The following BCL2L1 variants were observed in gnomAD, a reference collection of about 807,000 sequenced individuals.
The protein encoded by BCL2L1 is bcl-2-like protein 1.
Under a neutral mutation model 18.7 loss-of-function variants are expected in BCL2L1, and 1 was observed. That is an observed-to-expected ratio of 0.05 (90% confidence interval 0.02 to 0.25). The LOEUF (loss-of-function observed/expected upper bound fraction) is 0.25, where lower values mean the gene tolerates loss of function less well. Among genes scored for constraint, BCL2L1 ranks in the 10% least tolerant of loss-of-function variants. BCL2L1 has a pLI of 1.00. For synonymous variants in BCL2L1, 103 were observed against 122.7 expected, an observed-to-expected ratio of 0.84 and a Z score of 1.06; for missense variants, 207 against 304.9, an observed-to-expected ratio of 0.68 and a Z score of 2.39.
intron 2 of BCL2L1, among the ~76,000 whole-genome samples, chr20:31,704,219 T>A (rs969761905): frequency 2.0e-5 from 3 of 151,124 alleles, no homozygotes; most frequent in African/African-American, 4.9e-5. Context: ...TTCTTCTGCC[T>A]CAGCCTCCTG....
chr20:31,715,837 A>G (rs1266772829), intron 2 of BCL2L1, among the ~76,000 whole-genome samples: 1 of 152,038 alleles, frequency 6.6e-6, no homozygotes, highest in Non-Finnish European at 1.5e-5. Flanking sequence ...GAGACTTTTT[A>G]TTTTTATTTT....
intron 2 of BCL2L1, among the ~76,000 whole-genome samples, chr20:31,680,115 T>C (rs1301549387): frequency 6.6e-6 from 1 of 152,220 alleles, no homozygotes; most frequent in African/African-American, 2.4e-5. Context: ...ATTCTCAAAA[T>C]CTTGCAAGTA....
chr20:31,669,964 G>A (rs573952208), intron 2 of BCL2L1, among the ~76,000 whole-genome samples: 10 of 152,334 alleles, frequency 6.6e-5, no homozygotes, highest in African/African-American at 2.4e-4. Flanking sequence ...TTAAAGCAGG[G>A]AACACTCAGC....
At chr20:31,715,265 C>T (rs1331018455) in intron 2 of BCL2L1, among the ~76,000 whole-genome samples, 4 of 144,900 alleles carry the variant, frequency 2.8e-5, no homozygotes, top group African/African-American at 7.9e-5. Flanking sequence ...GAGAAAGACT[C>T]TGTCTCAAAA....
chr20:31,696,701 C>T (rs1290327603), intron 2 of BCL2L1, among the ~76,000 whole-genome samples: 1 of 152,082 alleles, frequency 6.6e-6, no homozygotes, highest in Non-Finnish European at 1.5e-5. Flanking sequence ...CTGCTTGAGC[C>T]CAGGAGTTAG....
At chr20:31,692,534 G>C (rs191510584) in intron 2 of BCL2L1, among the ~76,000 whole-genome samples, 17 of 152,202 alleles carry the variant, frequency 1.1e-4, no homozygotes, top group African/African-American at 4.1e-4. Context: ...CCAGCACTTT[G>C]GGAGGCTGAG....
At chr20:31,682,418 A>G (rs576649995) in intron 2 of BCL2L1, among the ~76,000 whole-genome samples, 1 of 152,172 alleles carries the variant, frequency 6.6e-6, no homozygotes, top group African/African-American at 2.4e-5. Context: ...CACTGCTTTG[A>G]CCTTATATGT....
At chr20:31,709,671 A>C (rs894792833) in intron 2 of BCL2L1, among the ~76,000 whole-genome samples, 1 of 151,622 alleles carries the variant, frequency 6.6e-6, no homozygotes, top group African/African-American at 2.4e-5. Context: ...GTCTCTACTA[A>C]AAATACAAAA....
chr20:31,714,998 G>C (rs943910833), intron 2 of BCL2L1, among the ~76,000 whole-genome samples: 1 of 152,158 alleles, frequency 6.6e-6, no homozygotes, highest in Admixed American at 6.5e-5. Flanking sequence ...GACCAGGCCT[G>C]GCACGGTGGC....
In BCL2L1 at chr20:31,721,862, T is replaced by A; in HGVS notation, c.357A>T (p.Ala119=). The change falls in exon 2 of 3, where the codon GCA becomes GCT. Residue 119 remains alanine, a synonymous_variant. Transcript: ENST00000307677. Reference sequence around the variant, plus strand: ...TCACTACCTGTTCAAAGCTCTGATATGCTGTCCCTGGGGTGATGTGGAGCT... The same window carrying A: ...TCACTACCTGTTCAAAGCTCTGATAAGCTGTCCCTGGGGTGATGTGGAGCT... The part of the protein sequence containing the change: ...TSQLHITPGT[A]YQSFEQVVNE... 6.2e-7 allele frequency: 1 copy of A among 1,614,208 alleles called. No individual in the cohort carries two copies. The highest frequency in any genetic ancestry group is 8.5e-7 in the Non-Finnish European group (1 of 1,180,032).
At chr20:31,712,246 G>A (rs150909003) in intron 2 of BCL2L1, among the ~76,000 whole-genome samples, 1 of 152,278 alleles carries the variant, frequency 6.6e-6, no homozygotes, top group Non-Finnish European at 1.5e-5. Context: ...GGAACACAGT[G>A]GAGCGTTTAA....
chr20:31,680,085 A>C (rs887088040), intron 2 of BCL2L1, among the ~76,000 whole-genome samples: 3 of 152,172 alleles, frequency 2.0e-5, no homozygotes, highest in African/African-American at 7.2e-5. Context: ...GTATTTGCTG[A>C]ACTAATATTT....
At chr20:31,678,945 ACT>A (rs2060808848) in intron 2 of BCL2L1, among the ~76,000 whole-genome samples, 1 of 151,966 alleles carries the variant, frequency 6.6e-6, no homozygotes, top group South Asian at 2.1e-4. Context: ...GTAACCAAAA[ACT>A]CAGGGCTGAA....
intron 2 of BCL2L1, among the ~76,000 whole-genome samples, chr20:31,679,302 T>C (rs778514554): frequency 1.3e-5 from 2 of 152,182 alleles, no homozygotes; most frequent in Non-Finnish European, 2.9e-5. Context: ...TCCCACTTGA[T>C]GTGGCCTGTG....
intron 2 of BCL2L1, among the ~76,000 whole-genome samples, chr20:31,675,530 C>T (rs1375620484): frequency 6.6e-6 from 1 of 152,170 alleles, no homozygotes; most frequent in East Asian, 1.9e-4. Flanking sequence ...TGGTTGGAAT[C>T]CACTTCCTCT....
intron 2 of BCL2L1, among the ~76,000 whole-genome samples, chr20:31,718,487 C>G (rs1257924845): frequency 6.6e-6 from 1 of 152,046 alleles, no homozygotes; most frequent in Non-Finnish European, 1.5e-5. Context: ...GAAACCCCAT[C>G]TCTACTAAAA....
At position 31,722,090 on chromosome 20, in the gene BCL2L1, C is replaced by A. The variant is rs11550476; in HGVS notation, c.129G>T (p.Ser43=). The change falls in exon 2 of 3, where the codon TCG becomes TCT. Residue 43 remains serine (S), a synonymous_variant. Transcript: ENST00000307677. The part of the protein sequence containing the change: ...NRTEAPEGTE[S]EMETPSAING... ...TGATGGCACTGGGGGTCTCCATCTC[C>A]GATTCAGTCCCTTCTGGGGCCTCAG... 1 of 1,588,680 alleles carries A rather than the reference C, an allele frequency of 6.3e-7. No individual in the cohort carries two copies.
At position 31,721,895 on chromosome 20, in the gene BCL2L1, C is replaced by T. The variant is rs1216552457; in HGVS notation, c.324G>A (p.Leu108=). Residue 108 remains leucine, a synonymous_variant, in exon 2 of 3, where the codon CTG becomes CTA. Transcript: ENST00000307677. ...ELRYRRAFSD[L]TSQLHITPGT... ...CTGGGGTGATGTGGAGCTGGGATGT[C>T]AGGTCACTGAATGCCCGCCGGTACC... 1.9e-6 allele frequency: 3 copies of T among 1,614,190 alleles called. No homozygotes were observed. Among genetic ancestry groups the T allele is most frequent in the East Asian group, 2.2e-5 (1 of 44,878 alleles).
At chr20:31,717,549 G>T (rs1029675800) in intron 2 of BCL2L1, among the ~76,000 whole-genome samples, 3 of 152,180 alleles carry the variant, frequency 2.0e-5, no homozygotes, top group South Asian at 2.1e-4. Flanking sequence ...TTTCAAGGGG[G>T]AGCCCCTGAG....
Sources: gnomAD v4.1 joint callset for allele counts (sites outside exome capture counted in the v4.1 genomes callset) on GRCh38, gnomAD v4.1.1 for gene constraint, MANE v1.5 for transcripts, NCBI Gene and HGNC (gene_info 2026-07-23, HGNC 2026-07-21) for gene names.